The following ZNF423 variants were observed in gnomAD, a reference collection of about 807,000 sequenced individuals.
ZNF423 encodes the protein zinc finger protein 423.
A neutral mutation model predicts 95.8 loss-of-function variants in ZNF423; 12 were observed. The observed-to-expected ratio is 0.13, with a 90% CI of 0.08 to 0.20. The LOEUF (loss-of-function observed/expected upper bound fraction) is 0.20, where lower values mean the gene tolerates loss of function less well. Among genes scored for constraint, ZNF423 ranks in the 10% least tolerant of loss-of-function variants. The pLI is 1.00. For synonymous variants in ZNF423, 749 were observed against 711.9 expected (o/e 1.05, Z -0.83); for missense variants, 1,316 against 1,737.1 (o/e 0.76, Z 4.31).
At chr16:49,848,768 C>T (rs373681196) in intron 1 of ZNF423, among the ~76,000 whole-genome samples, 4 of 152,082 alleles carry the variant, frequency 2.6e-5, no homozygotes, top group Admixed American at 6.5e-5. Context: ...ATAATAACTT[C>T]GGGGGCCCAC....
intron 1 of ZNF423, among the ~76,000 whole-genome samples, chr16:49,838,848 G>A (rs1260316779): frequency 4.6e-5 from 7 of 151,702 alleles, no homozygotes; most frequent in Non-Finnish European, 5.9e-5. Flanking sequence ...CTGCGCCGCA[G>A]CCATGGAGCC....
rs1430372989 is a variant in ZNF423, at chr16:49,855,036, C to G, written c.40+699G>C. ...CTGAGGACCTGCGTCCCGCCGGCGCCGTGCAGACAATGAACTCCTGGCGGA... is the reference window on the plus strand; with the variant it reads ...CTGAGGACCTGCGTCCCGCCGGCGCGGTGCAGACAATGAACTCCTGGCGGA... On this transcript the variant is annotated intron_variant, in intron 1 of 7. Coordinates refer to ENST00000563137, the MANE Select transcript of ZNF423 (RefSeq NM_001379286.1). The surrounding 1 kb of genome is among the most constrained non-coding windows in gnomAD (Gnocchi z 4.7). The G allele has an allele frequency of 1.0e-6, 1 of 984,818 alleles. No individual in the cohort carries two copies. The highest frequency in any genetic ancestry group is 1.2e-6 in the Non-Finnish European group (1 of 829,744). 61.0% of individuals were successfully genotyped at this position (984,818 alleles called of 1,614,324 possible).
chr16:49,819,932 G>A (rs575219763), intron 1 of ZNF423, among the ~76,000 whole-genome samples: 1 of 152,204 alleles, frequency 6.6e-6, no homozygotes, highest in South Asian at 2.1e-4. Flanking sequence ...CCAACTGTAG[G>A]CTAATGTAGG....
rs11865334 is a variant in ZNF423, at chr16:49,795,398, G to A, written c.41-5852C>T. On this transcript the variant is annotated intron_variant, in intron 1 of 7. Transcript: ENST00000563137. ...CCCTCATGGCGCTCACACTTGCCCC[G>A]GCCTTGAGCACAAACCACTCCTGCC... 2.4e-3 allele frequency among the ~76,000 whole-genome samples: 370 copies of A among 152,270 alleles called. 3 individuals carry two copies. Among genetic ancestry groups the A allele is most frequent in the African/African-American group, 8.3e-3 (345 of 41,550 alleles).
Position 49,637,668 on chromosome 16 carries a change from A to G in ZNF423, c.1508T>C (p.Leu503Pro), listed in dbSNP as rs1334536361. The stretch of plus-strand genomic sequence containing the variant: ...GTGGGAGACGCGGATGTGCTCCTGC[A>G]GGCTATTGATGTCGGCGAACATCTC... Reference protein sequence around the residue: ...CPEMFADINSLQEHIRVSHCG... With the variant: ...CPEMFADINSPQEHIRVSHCG... The change falls in exon 4 of 8, where the codon CTG (leucine) becomes CCG (proline). Residue 503 changes from leucine (L) to proline (P), a missense_variant. Around this residue, in one of 6 missense-constraint regions of ZNF423, gnomAD observed 399 missense variants for 478.5 expected, o/e 0.83. Coordinates refer to ENST00000563137, the MANE Select transcript of ZNF423 (RefSeq NM_001379286.1). This position sits in a 1 kb window ranked among gnomAD's most constrained non-coding sequence, Gnocchi z 5.6. 6.2e-7 allele frequency: 1 copy of G among 1,614,008 alleles called. No homozygotes were observed. The highest frequency in any genetic ancestry group is 8.5e-7 in the Non-Finnish European group (1 of 1,180,050).
chr16:49,764,518 G>T (rs371041480), intron 2 of ZNF423: 1 of 152,156 alleles, frequency 6.6e-6, no homozygotes, highest in Non-Finnish European at 1.5e-5. Context: ...TGAAAGGTGC[G>T]TGCGGGACCC....
rs1051666730 is a variant in ZNF423, at chr16:49,487,690, G to A, written c.*3585C>T. 17 of 152,090 alleles carry A rather than the reference G, an allele frequency of 1.1e-4. No homozygotes were observed. Among genetic ancestry groups the A allele is most frequent in the African/African-American group, 4.1e-4 (17 of 41,402 alleles). 9.4% of individuals were successfully genotyped at this position (152,090 alleles called of 1,614,324 possible). A position where few individuals can be genotyped will look rare whatever the true frequency, so the allele number is the denominator to read the frequency against. ...TTGGACAAGATTCTGAACTTCTCTG[G>A]GATTGTTTTAAGCCACCTAGAATTG... On this transcript the variant is annotated 3_prime_UTR_variant, in exon 8 of 8. Transcript: ENST00000563137.
intron 1 of ZNF423, among the ~76,000 whole-genome samples, chr16:49,807,474 A>G (rs1476112894): frequency 2.0e-5 from 3 of 152,116 alleles, no homozygotes; most frequent in Non-Finnish European, 4.4e-5. Flanking sequence ...AACCTTCCAC[A>G]GAAACGAACT....
intron 5 of ZNF423, among the ~76,000 whole-genome samples, chr16:49,540,643 C>G (rs1173096557): frequency 6.6e-6 from 1 of 152,172 alleles, no homozygotes; most frequent in African/African-American, 2.4e-5. Context: ...TCTGCTTTCA[C>G]CTCATGCTTT....
chr16:49,553,656 T>A (rs921193539), intron 5 of ZNF423, among the ~76,000 whole-genome samples: 7 of 151,956 alleles, frequency 4.6e-5, no homozygotes, highest in Non-Finnish European at 1.0e-4. Context: ...CTATTTTTAT[T>A]TTTTTTTAGA....
At chr16:49,512,989 G>A (rs374873812) in intron 7 of ZNF423, among the ~76,000 whole-genome samples, 7 of 152,122 alleles carry the variant, frequency 4.6e-5, no homozygotes, top group Non-Finnish European at 8.8e-5. Context: ...CCAGCTACTC[G>A]GGAGGCTGAA....
intron 5 of ZNF423, among the ~76,000 whole-genome samples, chr16:49,568,057 T>A (rs1445857896): frequency 1.4e-4 from 22 of 152,166 alleles, no homozygotes; most frequent in Admixed American, 1.4e-3. Context: ...CCAATTAGTG[T>A]ATTCCATGTC....
At chr16:49,762,741 G>A (rs553723045) in intron 2 of ZNF423, among the ~76,000 whole-genome samples, 1 of 152,244 alleles carries the variant, frequency 6.6e-6, no homozygotes. Flanking sequence ...GCCTAGGTGG[G>A]CCCTTTGACT....
chr16:49,565,183 C>T (rs945635874), intron 5 of ZNF423, among the ~76,000 whole-genome samples: 47 of 152,166 alleles, frequency 3.1e-4, no homozygotes, highest in Admixed American at 3.1e-3. Context: ...TGCATACGGG[C>T]GAACCATTTG....
In ZNF423 at chr16:49,730,877, A is replaced by C; in HGVS notation, c.195T>G (p.Asp65Glu). 1 of 1,614,070 alleles carries C rather than the reference A, an allele frequency of 6.2e-7. No individual in the cohort carries two copies. Among genetic ancestry groups the C allele is most frequent in the Non-Finnish European group, 8.5e-7 (1 of 1,180,016 alleles). ...TTGATTCATCCTCCATGTCTTCATC[A>C]TCCTCATTTCTCTCCTCTTGACTTG... ...SVTSQEERNE[D>E]DEDMEDESIY... The change falls in exon 3 of 8, where the codon GAT becomes GAG. Residue 65 changes from aspartate to glutamate, a missense_variant. Asp to Glu is a conservative substitution (Grantham distance 45). Coordinates refer to ENST00000563137, the MANE Select transcript of ZNF423 (RefSeq NM_001379286.1).
chr16:49,581,830 G>A (rs1970685895), intron 5 of ZNF423, among the ~76,000 whole-genome samples: 1 of 152,104 alleles, frequency 6.6e-6, no homozygotes, highest in Admixed American at 6.5e-5. Flanking sequence ...ATCCAAATGC[G>A]ATCTGGCAGA....
intron 3 of ZNF423, among the ~76,000 whole-genome samples, chr16:49,704,395 C>T (rs189305459): frequency 1.5e-4 from 23 of 152,252 alleles, no homozygotes; most frequent in African/African-American, 5.5e-4. Context: ...CCTTGGATGA[C>T]AGTAACCCAG....
chr16:49,844,896 G>A (rs904205839), intron 1 of ZNF423, among the ~76,000 whole-genome samples: 3 of 151,936 alleles, frequency 2.0e-5, no homozygotes, highest in Non-Finnish European at 4.4e-5. Context: ...TTAGCCACGT[G>A]TGGTGGCACA....
intron 5 of ZNF423, among the ~76,000 whole-genome samples, chr16:49,600,469 A>T (rs1971330425): frequency 6.6e-6 from 1 of 152,166 alleles, no homozygotes; most frequent in Non-Finnish European, 1.5e-5. Flanking sequence ...CCCAAAGCCA[A>T]GCCAGCAGAA....
Sources: gnomAD v4.1 joint callset for allele counts (sites outside exome capture counted in the v4.1 genomes callset) on GRCh38, gnomAD v4.1.1 for gene constraint, gnomAD v4.1.1 regional missense constraint, Gnocchi (gnomAD v3.1) non-coding constraint, MANE v1.5 for transcripts, NCBI Gene and HGNC (gene_info 2026-07-23, HGNC 2026-07-21) for gene names.